Variants in TYW1B observed in about 807,000 individuals in gnomAD.
The protein encoded by TYW1B is tRNA-yW synthesizing protein 1 homolog B.
Under a neutral mutation model 86.9 loss-of-function variants are expected in TYW1B, and 73 were observed. The observed-to-expected ratio is 0.84, with a 90% CI of 0.70 to 1.02. TYW1B has a LOEUF of 1.02. Ranked by LOEUF, TYW1B falls within the 50% of genes least tolerant of loss-of-function variation. The pLI is 0.00. For missense variants in TYW1B, 637 were observed against 827.4 expected, an observed-to-expected ratio of 0.77 and a Z score of 2.82; for synonymous variants, 248 against 292.8, an observed-to-expected ratio of 0.85 and a Z score of 1.56.
intron 7 of TYW1B, among the ~76,000 whole-genome samples, chr7:72,761,657 G>GAGGTTATTT (rs1221636105): frequency 6.6e-6 from 1 of 151,426 alleles, no homozygotes; most frequent in African/African-American, 2.4e-5. Context: ...GTCTAACGTA[G>GAGGTTATTT]AGGTTATTTA....
chr7:72,827,046 T>A, intron 1 of TYW1B, 61 bp from the exon 2 acceptor site: 1 of 1,525,590 alleles, frequency 6.6e-7, no homozygotes, highest in South Asian at 1.3e-5. Context: ...AAAGATATCC[T>A]TCCCGATTTT....
intron 2 of TYW1B, among the ~76,000 whole-genome samples, chr7:72,822,008 A>G (rs9638310): frequency 0.8 from 120,727 of 151,352 alleles, 48,228 homozygotes; most frequent in African/African-American, 0.81. Context: ...CACTTTCAGT[A>G]GCCGAGGCGG....
At chr7:72,648,227 T>G (rs550393427) in intron 11 of TYW1B, among the ~76,000 whole-genome samples, 2 of 152,172 alleles carry the variant, frequency 1.3e-5, no homozygotes, top group South Asian at 4.2e-4. Flanking sequence ...ATCTCCGCTA[T>G]CCATTACAGT....
chr7:72,664,201 T>C (rs1330401574), intron 11 of TYW1B, among the ~76,000 whole-genome samples: 1 of 152,192 alleles, frequency 6.6e-6, no homozygotes, highest in Non-Finnish European at 1.5e-5. Context: ...CCATTGAGAT[T>C]ACTTTGGTAA....
intron 9 of TYW1B, among the ~76,000 whole-genome samples, chr7:72,718,560 AT>A (rs1282151694): frequency 6.6e-6 from 1 of 152,002 alleles, no homozygotes; most frequent in Non-Finnish European, 1.5e-5. Context: ...ATGACAGGTG[AT>A]GTCTTCTTTT....
At chr7:72,791,173 T>C (rs1788211204) in intron 6 of TYW1B, among the ~76,000 whole-genome samples, 1 of 152,104 alleles carries the variant, frequency 6.6e-6, no homozygotes, top group Non-Finnish European at 1.5e-5. Flanking sequence ...ATCCCATGTA[T>C]AATTGGTATG....
At chr7:72,771,692 T>A (rs1554469652) in intron 7 of TYW1B, among the ~76,000 whole-genome samples, 2 of 143,548 alleles carry the variant, frequency 1.4e-5, no homozygotes, top group Admixed American at 1.5e-4. Context: ...TATCAAAAAG[T>A]GACATTAAAA....
chr7:72,716,123 G>A (rs1296141324), intron 9 of TYW1B, among the ~76,000 whole-genome samples: 12 of 152,168 alleles, frequency 7.9e-5, no homozygotes, highest in African/African-American at 2.4e-4. Flanking sequence ...ATTTTTAGTA[G>A]AGATGGGGTT....
intron 6 of TYW1B, 100 bp from the exon 7 acceptor site, chr7:72,777,633 A>T (rs1283092365): frequency 6.9e-7 from 1 of 1,448,410 alleles, no homozygotes; most frequent in African/African-American, 1.4e-5. Flanking sequence ...GTCCATTATG[A>T]GGCTGGGCAT....
chr7:72,795,184 CA>C (rs1788284712), intron 6 of TYW1B, among the ~76,000 whole-genome samples: 1 of 151,996 alleles, frequency 6.6e-6, no homozygotes, highest in African/African-American at 2.4e-5. Flanking sequence ...AGATCCAAAA[CA>C]GCAGCTAACA....
intron 6 of TYW1B, among the ~76,000 whole-genome samples, chr7:72,785,888 G>A (rs1379246289): frequency 6.6e-6 from 1 of 152,032 alleles, no homozygotes; most frequent in Non-Finnish European, 1.5e-5. Context: ...TGAGGCAGGT[G>A]GATCACCTGA....
At chr7:72,605,346 T>TG (rs1402494253) in intron 13 of TYW1B, among the ~76,000 whole-genome samples, 5 of 151,706 alleles carry the variant, frequency 3.3e-5, no homozygotes, top group African/African-American at 1.2e-4. Flanking sequence ...GTGGTTTTTT[T>TG]TTTGTTTGTT....
chr7:72,661,035 T>C (rs1375733472), intron 11 of TYW1B, among the ~76,000 whole-genome samples: 1 of 150,046 alleles, frequency 6.7e-6, no homozygotes, highest in Non-Finnish European at 1.5e-5. Context: ...TTCGGGAGGC[T>C]GAGGCAGGAG....
chr7:72,698,221 G>C (rs1273800381), intron 10 of TYW1B, among the ~76,000 whole-genome samples: 2 of 152,174 alleles, frequency 1.3e-5, no homozygotes, highest in Non-Finnish European at 2.9e-5. Flanking sequence ...TCTGCCGTGT[G>C]CTTTACCCTT....
At position 72,703,240 on chromosome 7, in the gene TYW1B, A is replaced by G. The variant is rs574652969; in HGVS notation, c.1371-8418T>C. ...AGGGTATCACCGTGTTAGCCAGGAT[A>G]GTCTCGATCTCCTGACCTCATGATC... On this transcript the variant is annotated intron_variant, in intron 10 of 13. Coordinates refer to ENST00000620995, the MANE Select transcript of TYW1B (RefSeq NM_001145440.3). 4.4e-4 allele frequency among the ~76,000 whole-genome samples: 67 copies of G among 150,870 alleles called. 1 individual carries two copies. In the South Asian group the frequency reaches 0.013, roughly 30 times the overall value.
chr7:72,781,187 A>T lies in TYW1B; in HGVS notation c.847-3654T>A, dbSNP rs1788043822. Among the ~76,000 whole-genome samples the T allele has an allele frequency of 5.3e-5, 8 of 152,086 alleles. No homozygotes were observed. In the South Asian group the frequency reaches 1.7e-3, roughly 31 times the overall value. On this transcript the variant is annotated intron_variant, in intron 6 of 13. Coordinates refer to ENST00000620995, the MANE Select transcript of TYW1B (RefSeq NM_001145440.3). ...AGGTAACTCGAGCACAGATGAACCC[A>T]GTGTGCCCAACGCGTGATACCAGAG...
intron 6 of TYW1B, among the ~76,000 whole-genome samples, chr7:72,783,383 C>CAAAA (rs35804694): frequency 2.6e-5 from 3 of 113,508 alleles, no homozygotes; most frequent in African/African-American, 6.7e-5. Context: ...GACTTCATCT[C>CAAAA]AAAAAAAAAA....
At chr7:72,581,534 C>G (rs1811151020) in intron 13 of TYW1B, among the ~76,000 whole-genome samples, 1 of 151,830 alleles carries the variant, frequency 6.6e-6, no homozygotes, top group South Asian at 2.1e-4. Flanking sequence ...CTCGGCTTCA[C>G]TGCAACCTCC....
At chr7:72,590,250 A>G (rs1203762617) in intron 13 of TYW1B, among the ~76,000 whole-genome samples, 1 of 152,164 alleles carries the variant, frequency 6.6e-6, no homozygotes, top group African/African-American at 2.4e-5. Context: ...GTCCCTGACG[A>G]CTCAGCCCCA....
Sources: gnomAD v4.1 joint callset for allele counts (sites outside exome capture counted in the v4.1 genomes callset) on GRCh38, gnomAD v4.1.1 for gene constraint, MANE v1.5 for transcripts, NCBI Gene and HGNC (gene_info 2026-07-23, HGNC 2026-07-21) for gene names.